Variants in CCR8 observed in about 807,000 individuals in gnomAD.
CCR8 encodes the protein C-C chemokine receptor type 8.
For missense variants in CCR8, 358 were observed against 417.5 expected (o/e 0.86, Z 1.24); for synonymous variants, 156 against 165.7 (o/e 0.94, Z 0.45).
At position 39,332,897 on chromosome 3, in the gene CCR8, A is replaced by G. The variant is rs774196216; in HGVS notation, c.566A>G (p.Gln189Arg). The change falls in exon 2 of 2, where the codon CAA (glutamine) becomes CGA (arginine). Residue 189 changes from glutamine to arginine, a missense_variant. Transcript: ENST00000326306. ...GVLQCYSFYN[Q>R]QTLKWKIFTN... ...CTACAGTGTTATTCATTTTACAATC[A>G]ACAGACTTTGAAGTGGAAGATCTTC... is the stretch of plus-strand genomic sequence containing the variant. 6.2e-7 allele frequency: 1 copy of G among 1,614,178 alleles called. No individual in the cohort carries two copies. Among genetic ancestry groups the G allele is most frequent in the Admixed American group, 1.7e-5 (1 of 60,018 alleles).
chr3:39,333,309 A>C lies in CCR8; in HGVS notation c.978A>C (p.Leu326=). The C allele has an allele frequency of 6.2e-7, 1 of 1,614,140 alleles. No individual in the cohort carries two copies. The highest frequency in any genetic ancestry group is 8.5e-7 in the Non-Finnish European group (1 of 1,180,004). Residue 326 remains leucine, a synonymous_variant, in exon 2 of 2, where the codon CTA becomes CTC. Transcript: ENST00000326306. ...GTTGCAGCCAAATCTTCAACTACCT[A>C]GGAAGACAAATGCCTAGGGAGAGCT... ...QKSCSQIFNY[L]GRQMPRESCE...
At position 39,333,660 on chromosome 3, in the gene CCR8, AT is replaced by A; in HGVS notation, c.*262del. 2.2e-6 allele frequency: 1 copy of A among 464,818 alleles called. No homozygotes were observed. Among genetic ancestry groups the A allele is most frequent in the Non-Finnish European group, 3.9e-6 (1 of 253,684 alleles). The allele number at this position is 464,818 out of a possible 1,614,324, so 28.8% of individuals were successfully genotyped here. Reference sequence around the variant, plus strand: ...TCTGTATGCCAAGTGAAAAAAAAAGATGTCTGACCTCCTTACATATGCAAAA... The same window carrying A: ...TCTGTATGCCAAGTGAAAAAAAAAGAGTCTGACCTCCTTACATATGCAAAA... On this transcript the variant is annotated 3_prime_UTR_variant, in exon 2 of 2. Transcript: ENST00000326306.
At chr3:39,330,462 G>C (rs1032008067) in intron 1 of CCR8, among the ~76,000 whole-genome samples, 2 of 152,200 alleles carry the variant, frequency 1.3e-5, no homozygotes, top group African/African-American at 4.8e-5. Flanking sequence ...AGAGTGGAGA[G>C]GGGTGTCTGA....
chr3:39,330,037 C>T (rs984750149), intron 1 of CCR8, among the ~76,000 whole-genome samples: 6 of 152,092 alleles, frequency 3.9e-5, no homozygotes, highest in East Asian at 3.9e-4. Flanking sequence ...GAGAGCAAAC[C>T]GTGCCATATT....
chr3:39,332,355 T>C lies in CCR8; in HGVS notation c.24T>C (p.Ser8=). Residue 8 remains serine (S), a synonymous_variant, in exon 2 of 2, where the codon AGT becomes AGC. Transcript: ENST00000326306. MDYTLDL[S]VTTVTDYYYP... Reference sequence around the variant, plus strand: ...TGATGGATTATACACTTGACCTCAGTGTGACAACAGTGACCGACTACTACT... The same window carrying C: ...TGATGGATTATACACTTGACCTCAGCGTGACAACAGTGACCGACTACTACT... 1.2e-6 allele frequency: 2 copies of C among 1,613,708 alleles called. No homozygotes were observed. The highest frequency in any genetic ancestry group is 1.7e-6 in the Non-Finnish European group (2 of 1,179,660).
intron 1 of CCR8, among the ~76,000 whole-genome samples, chr3:39,332,050 A>G (rs2041260468): frequency 6.7e-6 from 1 of 148,926 alleles, no homozygotes; most frequent in South Asian, 2.1e-4. Flanking sequence ...TGAACCCCTG[A>G]CCTCAGGTGA....
chr3:39,331,812 T>TTGAG (rs1559379185), intron 1 of CCR8, among the ~76,000 whole-genome samples: 7 of 109,660 alleles, frequency 6.4e-5, no homozygotes, highest in East Asian at 2.6e-4. Context: ...TTTTTTTTTT[T>TTGAG]AATTTTAATT....
intron 1 of CCR8, among the ~76,000 whole-genome samples, chr3:39,332,056 G>A (rs1273050315): frequency 6.6e-6 from 1 of 150,532 alleles, no homozygotes; most frequent in Non-Finnish European, 1.5e-5. Context: ...CCTGACCTCA[G>A]GTGATCTGCC....
In CCR8 at chr3:39,332,660, C is replaced by T. The variant is rs144913149; in HGVS notation, c.329C>T (p.Ser110Phe). Reference sequence around the variant, plus strand: ...GGGACTGTAATGTGCAAAGTGGTGTCTGGCTTTTATTACATTGGCTTCTAC... The same window carrying T: ...GGGACTGTAATGTGCAAAGTGGTGTTTGGCTTTTATTACATTGGCTTCTAC... ...VFGTVMCKVV[S>F]GFYYIGFYSS... is the part of the protein sequence containing the mutation. Residue 110 changes from serine (S) to phenylalanine (F), a missense_variant, in exon 2 of 2, where the codon TCT becomes TTT. Physicochemically the swap from Ser to Phe is radical, Grantham distance 155. Transcript: ENST00000326306. The T allele has an allele frequency of 9.8e-4, 1,587 of 1,614,152 alleles. 2 individuals are homozygous for T. The highest frequency in any genetic ancestry group is 1.2e-3 in the Non-Finnish European group (1,392 of 1,180,018).
In CCR8 at chr3:39,332,686, A is replaced by T. The variant is rs1484241410; in HGVS notation, c.355A>T (p.Ser119Cys). The change falls in exon 2 of 2, where the codon AGC (serine) becomes TGC (cysteine). Residue 119 changes from serine (S) to cysteine (C), a missense_variant. Ser to Cys is a moderately radical substitution (Grantham distance 112, BLOSUM62 -1). Coordinates refer to ENST00000326306, the MANE Select transcript of CCR8 (RefSeq NM_005201.4). ...TGGCTTTTATTACATTGGCTTCTACAGCAGCATGTTTTTCATCACCCTCAT... is the reference window on the plus strand; with the variant it reads ...TGGCTTTTATTACATTGGCTTCTACTGCAGCATGTTTTTCATCACCCTCAT... ...VSGFYYIGFY[S>C]SMFFITLMSV... The T allele has an allele frequency of 1.2e-6, 2 of 1,613,992 alleles. No homozygotes were observed. Among genetic ancestry groups the T allele is most frequent in the East Asian group, 4.5e-5 (2 of 44,894 alleles).
chr3:39,333,441 G>A lies in CCR8; in HGVS notation c.*42G>A. Reference sequence around the variant, plus strand: ...AATATAAAAAACATTTTCTTGAATGGCATGCTAGTAGCAGTGAGCAAAGGT... The same window carrying A: ...AATATAAAAAACATTTTCTTGAATGACATGCTAGTAGCAGTGAGCAAAGGT... On this transcript the variant is annotated 3_prime_UTR_variant, in exon 2 of 2. Coordinates refer to ENST00000326306, the MANE Select transcript of CCR8 (RefSeq NM_005201.4). The A allele has an allele frequency of 6.7e-7, 1 of 1,487,958 alleles. No homozygotes were observed. 92.2% of individuals were successfully genotyped at this position (1,487,958 alleles called of 1,614,324 possible).
chr3:39,333,640 ATGCC>A lies in CCR8; in HGVS notation c.*242_*245del. 2.0e-6 allele frequency: 1 copy of A among 487,940 alleles called. No individual in the cohort carries two copies. Among genetic ancestry groups the A allele is most frequent in the Non-Finnish European group, 3.7e-6 (1 of 267,748 alleles). The allele number at this position is 487,940 out of a possible 1,614,324, so 30.2% of individuals were successfully genotyped here. ...AAGTGGTAACTTTAAAGGATTCTGT[ATGCC>A]AAGTGAAAAAAAAAGATGTCTGACC... On this transcript the variant is annotated 3_prime_UTR_variant, in exon 2 of 2. Coordinates refer to ENST00000326306, the MANE Select transcript of CCR8 (RefSeq NM_005201.4).
At chr3:39,330,976 A>T (rs774441679) in intron 1 of CCR8, among the ~76,000 whole-genome samples, 7 of 151,912 alleles carry the variant, frequency 4.6e-5, no homozygotes, top group African/African-American at 7.3e-5. Context: ...CTTCATCTCT[A>T]TTGCATCAGA....
chr3:39,332,371 G>A lies in CCR8; in HGVS notation c.40G>A (p.Asp14Asn), dbSNP rs953353830. The A allele has an allele frequency of 1.2e-5, 20 of 1,613,908 alleles. No individual in the cohort carries two copies. In the South Asian group the frequency reaches 1.6e-4, roughly 13 times the overall value. ...TLDLSVTTVT[D>N]YYYPDIFSSP... is the part of the protein sequence containing the mutation. Reference sequence around the variant, plus strand: ...TGACCTCAGTGTGACAACAGTGACCGACTACTACTACCCTGATATCTTCTC... The same window carrying A: ...TGACCTCAGTGTGACAACAGTGACCAACTACTACTACCCTGATATCTTCTC... The change falls in exon 2 of 2, where the codon GAC (aspartate) becomes AAC (asparagine). Residue 14 changes from aspartate (D) to asparagine (N), a missense_variant. Coordinates refer to ENST00000326306, the MANE Select transcript of CCR8 (RefSeq NM_005201.4).
chr3:39,333,400 G>C lies in CCR8; in HGVS notation c.*1G>C. 6.2e-7 allele frequency: 1 copy of C among 1,600,484 alleles called. No individual in the cohort carries two copies. The highest frequency in any genetic ancestry group is 8.5e-7 in the Non-Finnish European group (1 of 1,172,710). ...CTCCAGCGTAGACTACATTTTGTGA[G>C]GATCAATGAAGACTAAATATAAAAA... is the stretch of plus-strand genomic sequence containing the variant. On this transcript the variant is annotated 3_prime_UTR_variant, in exon 2 of 2. Transcript: ENST00000326306.
intron 1 of CCR8, among the ~76,000 whole-genome samples, chr3:39,330,396 AAAAT>A (rs969311294): frequency 1.3e-5 from 2 of 152,224 alleles, no homozygotes; most frequent in African/African-American, 4.8e-5. Context: ...TGTCTCTAAA[AAAAT>A]AAATAAATTG....
Position 39,332,648 on chromosome 3 carries a change from G to C in CCR8, c.317G>C (p.Cys106Ser). The C allele has an allele frequency of 6.2e-7, 1 of 1,614,118 alleles. No individual in the cohort carries two copies. Among genetic ancestry groups the C allele is most frequent in the Non-Finnish European group, 8.5e-7 (1 of 1,180,010 alleles). Residue 106 changes from cysteine to serine, a missense_variant, in exon 2 of 2, where the codon TGC becomes TCC. Coordinates refer to ENST00000326306, the MANE Select transcript of CCR8 (RefSeq NM_005201.4). ...CAGTGGGTGTTTGGGACTGTAATGT[G>C]CAAAGTGGTGTCTGGCTTTTATTAC... ...LDQWVFGTVM[C>S]KVVSGFYYIG... is the part of the protein sequence containing the mutation.
intron 1 of CCR8, 135 bp from the exon 2 acceptor site, chr3:39,332,183 C>G (rs2041261166): frequency 3.2e-6 from 2 of 617,692 alleles, no homozygotes; most frequent in Admixed American, 2.9e-5. Context: ...CAAATAGTCA[C>G]ACCCACACCG....
chr3:39,331,189 C>T (rs569880529), intron 1 of CCR8, among the ~76,000 whole-genome samples: 2 of 152,272 alleles, frequency 1.3e-5, no homozygotes, highest in African/African-American at 4.8e-5. Flanking sequence ...AGCTGACTCC[C>T]TTTGGTTTAC....
Sources: allele counts gnomAD v4.1 joint callset (sites outside exome capture counted in the v4.1 genomes callset), GRCh38; gene constraint gnomAD v4.1.1; transcripts MANE v1.5; gene names NCBI Gene and HGNC (gene_info 2026-07-23, HGNC 2026-07-21).